The following ZFAND6 variants were observed in gnomAD, a reference collection of about 807,000 sequenced individuals.
The protein encoded by ZFAND6 is zinc finger AN1-type containing 6.
ZFAND6 carries 12 observed loss-of-function variants against 24.5 expected under a neutral mutation model. The observed-to-expected ratio is 0.49, with a 90% CI of 0.31 to 0.79. ZFAND6 has a LOEUF of 0.79. Among genes scored for constraint, ZFAND6 ranks in the 30% least tolerant of loss-of-function variants. ZFAND6 has a pLI of 0.04. For synonymous variants in ZFAND6, 92 were observed against 81.5 expected, an observed-to-expected ratio of 1.13 and a Z score of -0.69; for missense variants, 207 against 245.9, an observed-to-expected ratio of 0.84 and a Z score of 1.06.
chr15:80,067,295 C>T (rs1015429494), intron 1 of ZFAND6, among the ~76,000 whole-genome samples: 6 of 151,918 alleles, frequency 3.9e-5, no homozygotes, highest in African/African-American at 1.2e-4. Context: ...ATTATTTTAC[C>T]TCTTGTTACT....
intron 4 of ZFAND6, 144 bp downstream of exon 4, chr15:80,121,964 A>T: frequency 1.5e-6 from 1 of 685,804 alleles, no homozygotes; most frequent in Non-Finnish European, 2.3e-6. Context: ...AACTAGTTAG[A>T]AAAAGCGATT....
intron 1 of ZFAND6, among the ~76,000 whole-genome samples, chr15:80,070,544 G>A (rs2036917597): frequency 6.6e-6 from 1 of 152,074 alleles, no homozygotes; most frequent in Non-Finnish European, 1.5e-5. Flanking sequence ...ACCTAAAATG[G>A]TAATCATCTT....
chr15:80,095,151 C>T (rs2038645155), intron 1 of ZFAND6, among the ~76,000 whole-genome samples: 2 of 152,172 alleles, frequency 1.3e-5, no homozygotes, highest in Admixed American at 1.3e-4. Flanking sequence ...CTTTATTCTC[C>T]TTTAATCAGG....
intron 3 of ZFAND6, among the ~76,000 whole-genome samples, chr15:80,121,319 A>G (rs186494292): frequency 3.9e-5 from 6 of 152,352 alleles, no homozygotes; most frequent in African/African-American, 1.4e-4. Context: ...GTCATCATCT[A>G]CATTTATAAC....
At chr15:80,127,030 C>A (rs1005469177) in intron 5 of ZFAND6, among the ~76,000 whole-genome samples, 5 of 151,990 alleles carry the variant, frequency 3.3e-5, no homozygotes, top group East Asian at 1.9e-4. Context: ...ATCACTTGAA[C>A]TTGGGATGTT....
rs781409612 is a variant in ZFAND6, at chr15:80,131,137, C to CT, written c.365-41dup. ...AGGGTGGGATGAGGAATAGCAAAAT[C>CT]TTACAGAATAATTAAATTTTGCCAC... is the stretch of plus-strand genomic sequence containing the variant. On this transcript the variant is annotated intron_variant, in intron 5 of 6. Coordinates refer to ENST00000261749, the MANE Select transcript of ZFAND6 (RefSeq NM_019006.4). 3 of 1,469,608 alleles carry CT rather than the reference C, an allele frequency of 2.0e-6. No homozygotes were observed. In the South Asian group the frequency reaches 4.1e-5, roughly 20 times the overall value. The allele number at this position is 1,469,608 out of a possible 1,614,324, so 91.0% of individuals were successfully genotyped here.
At chr15:80,081,921 A>G (rs551452808) in intron 1 of ZFAND6, among the ~76,000 whole-genome samples, 8 of 152,344 alleles carry the variant, frequency 5.3e-5, no homozygotes, top group African/African-American at 1.9e-4. Flanking sequence ...ATAATAAGAA[A>G]ATTAGAAAAA....
intron 1 of ZFAND6, among the ~76,000 whole-genome samples, chr15:80,073,758 T>C (rs76320276): frequency 0.013 from 1,921 of 152,044 alleles, 34 homozygotes; most frequent in African/African-American, 0.044. Flanking sequence ...CTGTGCAGTT[T>C]TATGTTTTCA....
intron 1 of ZFAND6, among the ~76,000 whole-genome samples, chr15:80,065,783 G>A (rs536649893): frequency 6.6e-6 from 1 of 151,836 alleles, no homozygotes; most frequent in South Asian, 2.1e-4. Context: ...GACCTCAGGT[G>A]ATCTACCCAC....
chr15:80,078,838 TTTG>T (rs551309481), intron 1 of ZFAND6, among the ~76,000 whole-genome samples: 95 of 152,316 alleles, frequency 6.2e-4, no homozygotes, highest in Admixed American at 6.2e-3. Context: ...TTTTCATGTA[TTTG>T]TTGGCTGTAT....
chr15:80,091,786 C>G (rs2038392782), intron 1 of ZFAND6, among the ~76,000 whole-genome samples: 1 of 152,092 alleles, frequency 6.6e-6, no homozygotes, highest in Non-Finnish European at 1.5e-5. Context: ...ACTACAGGCA[C>G]GTGACGCCAT....
Position 80,120,518 on chromosome 15 carries a change from C to A in ZFAND6, c.154+20C>A. On this transcript the variant is annotated intron_variant, in intron 3 of 6. Coordinates refer to ENST00000261749, the MANE Select transcript of ZFAND6 (RefSeq NM_019006.4). The stretch of plus-strand genomic sequence containing the variant: ...CACCTGGTAAGTAATTCTAGTGAAA[C>A]CCGTCTATATTCATAATTGAAATAC... The A allele has an allele frequency of 2.0e-6, 3 of 1,503,150 alleles. No individual in the cohort carries two copies. The highest frequency in any genetic ancestry group is 2.0e-5 in the Admixed American group (1 of 50,442). 93.1% of individuals were successfully genotyped at this position (1,503,150 alleles called of 1,614,324 possible).
intron 5 of ZFAND6, among the ~76,000 whole-genome samples, chr15:80,124,262 T>C (rs1340505301): frequency 6.6e-6 from 1 of 152,110 alleles, no homozygotes; most frequent in Non-Finnish European, 1.5e-5. Context: ...TGAAACCCTG[T>C]CTCTACTAAA....
At chr15:80,083,158 A>G (rs914831156) in intron 1 of ZFAND6, among the ~76,000 whole-genome samples, 1 of 151,926 alleles carries the variant, frequency 6.6e-6, no homozygotes, top group African/African-American at 2.4e-5. Flanking sequence ...CGCCTGGCTA[A>G]TTTTTGTATT....
intron 6 of ZFAND6, among the ~76,000 whole-genome samples, chr15:80,137,061 C>T (rs920065328): frequency 1.3e-5 from 2 of 152,182 alleles, no homozygotes; most frequent in African/African-American, 4.8e-5. Flanking sequence ...AAGCAAATAT[C>T]GAAGCTGTGT....
chr15:80,064,767 T>C (rs2036523855), intron 1 of ZFAND6, among the ~76,000 whole-genome samples: 1 of 152,044 alleles, frequency 6.6e-6, no homozygotes, highest in Admixed American at 6.6e-5. Context: ...CAGCCTCCTG[T>C]GTAACTGGGA....
intron 1 of ZFAND6, among the ~76,000 whole-genome samples, chr15:80,098,093 T>C (rs2038837338): frequency 6.6e-6 from 1 of 152,220 alleles, no homozygotes; most frequent in Admixed American, 6.5e-5. Flanking sequence ...CTTTAGTTGG[T>C]AGCTGTTTAT....
At chr15:80,131,409 A>C in intron 6 of ZFAND6, 116 bp downstream of exon 6, 2 of 757,828 alleles carry the variant, frequency 2.6e-6, no homozygotes, top group Non-Finnish European at 4.0e-6. Flanking sequence ...AATATTGGAT[A>C]TACTTCACCT....
At chr15:80,070,392 T>C (rs1238190985) in intron 1 of ZFAND6, among the ~76,000 whole-genome samples, 1 of 152,266 alleles carries the variant, frequency 6.6e-6, no homozygotes, top group Non-Finnish European at 1.5e-5. Context: ...TCCTTGTTCC[T>C]GAGAAGCAAT....
Sources: allele counts gnomAD v4.1 joint callset (sites outside exome capture counted in the v4.1 genomes callset), GRCh38; gene constraint gnomAD v4.1.1; transcripts MANE v1.5; gene names NCBI Gene and HGNC (gene_info 2026-07-23, HGNC 2026-07-21).